ARAP1: variants seen among roughly 807,000 people sequenced by gnomAD.
ARAP1 encodes the protein ArfGAP with RhoGAP domain, ankyrin repeat and PH domain 1.
ARAP1 carries 76 observed loss-of-function variants against 172.2 expected under a neutral mutation model. That is an observed-to-expected ratio of 0.44 (90% CI 0.37 to 0.53). ARAP1 has a LOEUF of 0.53. Among genes scored for constraint, ARAP1 ranks in the 20% least tolerant of loss-of-function variants. The pLI is 0.00. For synonymous variants in ARAP1, 804 were observed against 803.3 expected, an observed-to-expected ratio of 1.00 and a Z score of -0.01; for missense variants, 1,686 against 1,977.5, an observed-to-expected ratio of 0.85 and a Z score of 2.80.
intron 12 of ARAP1, 149 bp from the exon 13 acceptor site, chr11:72,706,039 C>CGT (rs1856743781): frequency 5.8e-6 from 4 of 690,928 alleles, no homozygotes; most frequent in Non-Finnish European, 9.7e-6. Context: ...GGAATCCAGC[C>CGT]GTGTACTCTT....
chr11:72,742,132 C>A (rs1358433431), intron 1 of ARAP1, among the ~76,000 whole-genome samples: 1 of 152,100 alleles, frequency 6.6e-6, no homozygotes, highest in Non-Finnish European at 1.5e-5. Context: ...CAGGCTTTGG[C>A]CTCCAATTTG....
In ARAP1 at chr11:72,695,845, G is replaced by A. The variant is rs746929372; in HGVS notation, c.3293C>T (p.Thr1098Met). The part of the protein sequence containing the change: ...HLYCVQCFSD[T>M]NQMNVHNLAI... ...CAGGTTGTGCACGTTCATCTGGTTC[G>A]TGTCTGAGAAGCACTGAACACTGGA... The change falls in exon 24 of 35, where the codon ACG becomes ATG. Residue 1098 changes from threonine (T) to methionine (M), a missense_variant. This residue lies in a region of ARAP1 where 379 missense variants were observed against 500.1 expected (regional missense o/e 0.76). Transcript: ENST00000393609. The surrounding 1 kb of genome is among the most constrained non-coding windows in gnomAD (Gnocchi z 4.4). 14 of 1,613,274 alleles carry A rather than the reference G, an allele frequency of 8.7e-6. No individual in the cohort carries two copies. The highest frequency in any genetic ancestry group is 1.7e-4 in the Middle Eastern group (1 of 6,054).
rs745779178 is a variant in ARAP1 at position 72,725,460 on chromosome 11, C to T, written c.509+1160G>A. ...TTCCCTCCAGGTTCCTGGAGAGACC[C>T]TATACCTGTTACGAGTTGTGTGAAC... On this transcript the variant is annotated intron_variant, in intron 3 of 34. Coordinates refer to ENST00000393609, the MANE Select transcript of ARAP1 (RefSeq NM_001040118.3). This position sits in a 1 kb window ranked among gnomAD's most constrained non-coding sequence, Gnocchi z 4.3. 4.4e-4 allele frequency among the ~76,000 whole-genome samples: 67 copies of T among 152,192 alleles called. No individual in the cohort carries two copies. Among genetic ancestry groups the T allele is most frequent in the Admixed American group, 9.8e-4 (15 of 15,296 alleles).
At position 72,699,472 on chromosome 11, in the gene ARAP1, C is replaced by G. The variant is rs759588499; in HGVS notation, c.2383G>C (p.Glu795Gln). The G allele has an allele frequency of 6.2e-6, 10 of 1,614,128 alleles. No homozygotes were observed. Among genetic ancestry groups the G allele is most frequent in the Non-Finnish European group, 8.5e-6 (10 of 1,180,026 alleles). The change falls in exon 17 of 35, where the codon GAG (glutamate) becomes CAG (glutamine). Residue 795 changes from glutamate (E) to glutamine (Q), a missense_variant. Coordinates refer to ENST00000393609, the MANE Select transcript of ARAP1 (RefSeq NM_001040118.3). This position sits in a 1 kb window ranked among gnomAD's most constrained non-coding sequence, Gnocchi z 4.2. ...ENERAVTPNG[E>Q]IRASEIVCLA... ...CACACAATCTCGCTGGCCCGAATCT[C>G]TCCATTGGGGGTCACTGCCCGCTCA...
chr11:72,733,169 A>C (rs781034239), intron 1 of ARAP1, among the ~76,000 whole-genome samples: 7 of 152,164 alleles, frequency 4.6e-5, no homozygotes, highest in Non-Finnish European at 1.0e-4. Flanking sequence ...TGGGGGCTGC[A>C]CAGGTGGTAA....
chr11:72,690,891 G>A (rs984223386), intron 30 of ARAP1, among the ~76,000 whole-genome samples: 4 of 152,226 alleles, frequency 2.6e-5, no homozygotes, highest in Admixed American at 1.3e-4. Context: ...TGAATCACCT[G>A]AGATTGTCCC....
Position 72,686,072 on chromosome 11 carries a change from A to G in ARAP1, c.4305T>C (p.Ser1435=). The G allele has an allele frequency of 1.5e-5, 25 of 1,613,838 alleles. No homozygotes were observed. Among genetic ancestry groups the G allele is most frequent in the Non-Finnish European group, 2.0e-5 (24 of 1,179,978 alleles). The stretch of plus-strand genomic sequence containing the variant: ...GAGGGTCCGCGGTGAAGGCAGCCAC[A>G]CTCCGGCGCATTTCATTTTCACTAC... The part of the protein sequence containing the change: ...LRGSENEMRR[S]VAAFTADPLS... The change falls in exon 34 of 35, where the codon AGT becomes AGC. Residue 1435 remains serine (S), a synonymous_variant. Coordinates refer to ENST00000393609, the MANE Select transcript of ARAP1 (RefSeq NM_001040118.3).
chr11:72,717,174 C>G (rs1291576579), intron 3 of ARAP1, among the ~76,000 whole-genome samples: 1 of 152,110 alleles, frequency 6.6e-6, no homozygotes, highest in Non-Finnish European at 1.5e-5. Flanking sequence ...GGGGTGCTGG[C>G]CCCAGCTGGT....
At chr11:72,701,573 G>A (rs1856484737) in intron 16 of ARAP1, 76 bp downstream of exon 16, 2 of 1,542,644 alleles carry the variant, frequency 1.3e-6, no homozygotes, top group Non-Finnish European at 1.7e-6. Flanking sequence ...CACCAGTCTG[G>A]CCAGCCCTGG....
intron 3 of ARAP1, among the ~76,000 whole-genome samples, chr11:72,723,696 C>G (rs1380656779): frequency 6.6e-6 from 1 of 152,184 alleles, no homozygotes; most frequent in Admixed American, 6.5e-5. Flanking sequence ...CACATGCACC[C>G]CAAGCTCAGC....
intron 1 of ARAP1, among the ~76,000 whole-genome samples, chr11:72,748,785 G>GGAA (rs1354908278): frequency 2.6e-5 from 4 of 152,188 alleles, no homozygotes; most frequent in Non-Finnish European, 5.9e-5. Context: ...ATCCCTGGTT[G>GGAA]GAATGCACAT....
Position 72,697,891 on chromosome 11 carries a change from C to A in ARAP1, c.2737+20G>T. The A allele has an allele frequency of 6.4e-7, 1 of 1,552,584 alleles. No individual in the cohort carries two copies. The highest frequency in any genetic ancestry group is 1.9e-5 in the Admixed American group (1 of 52,024). On this transcript the variant is annotated intron_variant, in intron 19 of 34. Transcript: ENST00000393609. Reference sequence around the variant, plus strand: ...GATAGGGTGCCCTGGAGGCTGGGGGCCCAGGTCTGGTCCACGCACAAAGCT... The same window carrying A: ...GATAGGGTGCCCTGGAGGCTGGGGGACCAGGTCTGGTCCACGCACAAAGCT...
At position 72,726,632 on chromosome 11, in the gene ARAP1, C is replaced by T. The variant is rs374834128; in HGVS notation, c.497G>A (p.Arg166His). ...GGCATCCACTCACCTCACCAGCAGG[C>T]GGGGGGGTCCGGTGCGGGGCGGCAC... The part of the protein sequence containing the change: ...PPVPPRTGPP[R>H]LLVSLPTKEE... The change falls in exon 3 of 35, where the codon CGC (arginine) becomes CAC (histidine). Residue 166 changes from arginine (R) to histidine (H), a missense_variant. By Grantham distance (29) the Arg-to-His change is conservative (BLOSUM62 0). Coordinates refer to ENST00000393609, the MANE Select transcript of ARAP1 (RefSeq NM_001040118.3). The surrounding 1 kb of genome is among the most constrained non-coding windows in gnomAD (Gnocchi z 6.5). The T allele has an allele frequency of 2.7e-4, 411 of 1,513,770 alleles. 1 individual carries two copies. In the East Asian group the frequency reaches 5.4e-3, roughly 20 times the overall value. 93.8% of individuals were successfully genotyped at this position (1,513,770 alleles called of 1,614,324 possible). A position where few individuals can be genotyped will look rare whatever the true frequency, so the allele number is the denominator to read the frequency against.
intron 30 of ARAP1, among the ~76,000 whole-genome samples, chr11:72,690,952 T>A (rs987380199): frequency 1.3e-5 from 2 of 152,236 alleles, no homozygotes; most frequent in Non-Finnish European, 2.9e-5. Flanking sequence ...ATGCCAGAGT[T>A]GATAACCCCG....
At position 72,752,175 on chromosome 11, in the gene ARAP1, C is replaced by A. The variant is rs573181227; in HGVS notation, c.-128+153G>T. Among the ~76,000 whole-genome samples, 17 of 152,288 alleles carry A rather than the reference C, an allele frequency of 1.1e-4. No homozygotes were observed. The East Asian group carries it at 3.3e-3, about 29-fold the overall frequency. On this transcript the variant is annotated intron_variant, in intron 1 of 34. Coordinates refer to ENST00000393609, the MANE Select transcript of ARAP1 (RefSeq NM_001040118.3). ...CGCTGGCTTATCCTCAAGAGGCGAC[C>A]CCCCCATCACGCCCAAAAAGGTAAA...
At chr11:72,705,989 C>A in intron 12 of ARAP1, 99 bp from the exon 13 acceptor site, 2 of 1,233,262 alleles carry the variant, frequency 1.6e-6, no homozygotes, top group South Asian at 1.3e-5. Flanking sequence ...GGATGAGAGG[C>A]CACAGGCAGG....
At chr11:72,706,003 C>T (rs1329469567) in intron 12 of ARAP1, 113 bp from the exon 13 acceptor site, 3 of 1,031,520 alleles carry the variant, frequency 2.9e-6, no homozygotes, top group African/African-American at 3.2e-5. Context: ...AGGCAGGCCC[C>T]AGGGGGTAGG....
intron 1 of ARAP1, among the ~76,000 whole-genome samples, chr11:72,748,102 G>A (rs1858424122): frequency 6.6e-6 from 1 of 152,210 alleles, no homozygotes; most frequent in African/African-American, 2.4e-5. Context: ...TGGGAATGGT[G>A]CCTACCTCAG....
chr11:72,707,502 C>A, intron 11 of ARAP1, 128 bp from the exon 12 acceptor site: 1 of 808,218 alleles, frequency 1.2e-6, no homozygotes. Flanking sequence ...TGAGGCATCC[C>A]ACTCTGGTAG....
Sources: gnomAD v4.1 joint callset for allele counts (sites outside exome capture counted in the v4.1 genomes callset) on GRCh38, gnomAD v4.1.1 for gene constraint, gnomAD v4.1.1 regional missense constraint, Gnocchi (gnomAD v3.1) non-coding constraint, MANE v1.5 for transcripts, NCBI Gene and HGNC (gene_info 2026-07-23, HGNC 2026-07-21) for gene names.